The following WWOX variants were observed in gnomAD, a reference collection of about 807,000 sequenced individuals.
WWOX encodes the protein WW domain containing oxidoreductase.
In WWOX, 69 loss-of-function variants were observed where a neutral mutation model predicts 46.2. The observed-to-expected ratio is 1.49, with a 90% CI of 1.23 to 1.82. The LOEUF (loss-of-function observed/expected upper bound fraction) is 1.82. WWOX is among the 40% of genes most tolerant of loss of function. WWOX has a pLI of 0.00. For synonymous variants in WWOX, 359 were observed against 202.6 expected (o/e 1.77, Z -6.56); for missense variants, 919 against 542.6 (o/e 1.69, Z -6.89).
chr16:78,200,394 AAAAG>A (rs2036193843), intron 5 of WWOX, among the ~76,000 whole-genome samples: 1 of 151,456 alleles, frequency 6.6e-6, no homozygotes, highest in African/African-American at 2.4e-5. Context: ...GAAGGAATAA[AAAAG>A]AGAGAAAAGG....
At chr16:78,986,999 C>G (rs1187750989) in intron 8 of WWOX, among the ~76,000 whole-genome samples, 1 of 151,924 alleles carries the variant, frequency 6.6e-6, no homozygotes, top group East Asian at 1.9e-4. Context: ...CCACACGGAG[C>G]AGAGAGGGAT....
At chr16:79,069,223 C>T (rs1176497623) in intron 8 of WWOX, among the ~76,000 whole-genome samples, 1 of 152,176 alleles carries the variant, frequency 6.6e-6, no homozygotes, top group Non-Finnish European at 1.5e-5. Flanking sequence ...AAAACTTCAG[C>T]ATGTAGCAAG....
chr16:78,450,370 A>G (rs1216473873), intron 8 of WWOX, among the ~76,000 whole-genome samples: 2 of 152,208 alleles, frequency 1.3e-5, no homozygotes, highest in East Asian at 1.9e-4. Context: ...GTTCAGCTGG[A>G]TATCTTATTT....
In WWOX at chr16:78,724,252, T is replaced by C. The variant is rs919819750; in HGVS notation, c.1056+291500T>C. Among the ~76,000 whole-genome samples, 28 of 152,316 alleles carry C rather than the reference T, an allele frequency of 1.8e-4. No individual in the cohort carries two copies. The South Asian group carries it at 5.8e-3, about 32-fold the overall frequency. Reference sequence around the variant, plus strand: ...TGAGCAGTCTTCTAGGGCCTCTGGTTACCAGCAATGAAAAAAGCCCCATTT... The same window carrying C: ...TGAGCAGTCTTCTAGGGCCTCTGGTCACCAGCAATGAAAAAAGCCCCATTT... On this transcript the variant is annotated intron_variant, in intron 8 of 8. Coordinates refer to ENST00000566780, the MANE Select transcript of WWOX (RefSeq NM_016373.4).
intron 4 of WWOX, among the ~76,000 whole-genome samples, chr16:78,149,269 C>G (rs1251297780): frequency 6.6e-6 from 1 of 152,108 alleles, no homozygotes; most frequent in Non-Finnish European, 1.5e-5. Context: ...GTGTAAAGAT[C>G]ATTTTTTACT....
chr16:78,952,240 T>C (rs933022745), intron 8 of WWOX, among the ~76,000 whole-genome samples: 1 of 152,154 alleles, frequency 6.6e-6, no homozygotes, highest in South Asian at 2.1e-4. Context: ...TCAGTCTTTA[T>C]ATTTCAACTC....
chr16:79,030,197 C>T (rs2047725415), intron 8 of WWOX, among the ~76,000 whole-genome samples: 2 of 152,154 alleles, frequency 1.3e-5, no homozygotes, highest in African/African-American at 2.4e-5. Flanking sequence ...AAATGCATGT[C>T]TGTTAGGACA....
intron 6 of WWOX, among the ~76,000 whole-genome samples, chr16:78,417,993 C>G (rs1379553842): frequency 6.6e-6 from 1 of 152,322 alleles, no homozygotes; most frequent in East Asian, 1.9e-4. Context: ...TGCATGAATA[C>G]TTCAAACAAC....
chr16:78,805,854 A>G (rs574209319), intron 8 of WWOX, among the ~76,000 whole-genome samples: 2 of 152,358 alleles, frequency 1.3e-5, no homozygotes, highest in African/African-American at 4.8e-5. Context: ...GCGAATATAG[A>G]AAGATTAAGA....
intron 8 of WWOX, among the ~76,000 whole-genome samples, chr16:78,449,895 A>T (rs1270976922): frequency 6.8e-6 from 1 of 146,778 alleles, no homozygotes; most frequent in African/African-American, 2.5e-5. Flanking sequence ...AGAAAGCGTG[A>T]ACTTTTTTTT....
At chr16:79,043,270 A>G (rs938837484) in intron 8 of WWOX, among the ~76,000 whole-genome samples, 4 of 151,902 alleles carry the variant, frequency 2.6e-5, no homozygotes, top group Admixed American at 1.3e-4. Context: ...AACTTCGTGA[A>G]TTAAACCTCT....
At chr16:78,107,208 T>C (rs2032199983) in intron 1 of WWOX, among the ~76,000 whole-genome samples, 2 of 152,234 alleles carry the variant, frequency 1.3e-5, no homozygotes, top group Admixed American at 6.5e-5. Context: ...ACCCTTCGAA[T>C]ACCTCTTGTA....
At chr16:78,126,555 C>T (rs1405304916) in intron 4 of WWOX, among the ~76,000 whole-genome samples, 1 of 152,160 alleles carries the variant, frequency 6.6e-6, no homozygotes, top group Non-Finnish European at 1.5e-5. Flanking sequence ...TTGCTTGCCT[C>T]ATGTGCTATC....
At chr16:78,501,921 G>A (rs1019720987) in intron 8 of WWOX, among the ~76,000 whole-genome samples, 1 of 152,096 alleles carries the variant, frequency 6.6e-6, no homozygotes, top group Non-Finnish European at 1.5e-5. Context: ...AAACCACTGT[G>A]GTCCCACCTG....
intron 8 of WWOX, among the ~76,000 whole-genome samples, chr16:78,734,584 G>A (rs116625737): frequency 4.4e-4 from 67 of 152,220 alleles, no homozygotes; most frequent in African/African-American, 1.6e-3. Flanking sequence ...AACTGAACCT[G>A]ATGGTTAGTT....
At chr16:78,470,403 T>A (rs573558550) in intron 8 of WWOX, among the ~76,000 whole-genome samples, 1 of 152,346 alleles carries the variant, frequency 6.6e-6, no homozygotes, top group Admixed American at 6.5e-5. Flanking sequence ...CCCCTCAAGA[T>A]CTTTGTTTTT....
intron 8 of WWOX, chr16:78,898,770 G>C (rs2044758568): frequency 6.6e-6 from 1 of 152,016 alleles, no homozygotes; most frequent in Non-Finnish European, 1.5e-5. Flanking sequence ...TTTATTTAAG[G>C]CTTCTTTATT....
intron 8 of WWOX, among the ~76,000 whole-genome samples, chr16:78,919,983 C>A (rs1042263480): frequency 1.3e-5 from 2 of 152,186 alleles, no homozygotes; most frequent in South Asian, 4.1e-4. Flanking sequence ...CGGTTTGCCT[C>A]CTTCTCATGC....
intron 8 of WWOX, among the ~76,000 whole-genome samples, chr16:78,718,395 T>C (rs1431638905): frequency 1.3e-5 from 2 of 152,178 alleles, no homozygotes; most frequent in African/African-American, 4.8e-5. Context: ...TTATAGTATT[T>C]GGAGTTAAAT....
Sources: gnomAD v4.1 joint callset for allele counts (sites outside exome capture counted in the v4.1 genomes callset) on GRCh38, gnomAD v4.1.1 for gene constraint, MANE v1.5 for transcripts, NCBI Gene and HGNC (gene_info 2026-07-23, HGNC 2026-07-21) for gene names.